Variants in DLGAP1 observed in about 807,000 individuals in gnomAD.
The protein encoded by DLGAP1 is disks large-associated protein 1.
Under a neutral mutation model 90.8 loss-of-function variants are expected in DLGAP1, and 11 were observed. That is an observed-to-expected ratio of 0.12 (90% confidence interval 0.08 to 0.20). The LOEUF (loss-of-function observed/expected upper bound fraction) is 0.20. Among genes scored for constraint, DLGAP1 ranks in the 10% least tolerant of loss-of-function variants. The pLI is 1.00. For missense variants in DLGAP1, 1,050 were observed against 1,333.8 expected, an observed-to-expected ratio of 0.79 and a Z score of 3.31; for synonymous variants, 558 against 540.7, an observed-to-expected ratio of 1.03 and a Z score of -0.44.
At chr18:4,048,271 T>C (rs1673970814) in intron 2 of DLGAP1, among the ~76,000 whole-genome samples, 1 of 152,224 alleles carries the variant, frequency 6.6e-6, no homozygotes, top group Admixed American at 6.5e-5. Context: ...TTTGAAGAAA[T>C]GTAATTGCTC....
chr18:3,754,512 T>C (rs1253262797), intron 5 of DLGAP1, among the ~76,000 whole-genome samples: 1 of 151,432 alleles, frequency 6.6e-6, no homozygotes, highest in Non-Finnish European at 1.5e-5. Flanking sequence ...AAGAATTAGG[T>C]ATATCACGAA....
At chr18:3,506,501 G>C (rs1472984069) in intron 11 of DLGAP1, among the ~76,000 whole-genome samples, 8 of 111,002 alleles carry the variant, frequency 7.2e-5, no homozygotes, top group Admixed American at 3.7e-4. Context: ...CAACAAGAGT[G>C]AGACTCCGTC....
intron 4 of DLGAP1, among the ~76,000 whole-genome samples, chr18:3,851,749 G>T (rs1003635475): frequency 6.6e-6 from 1 of 152,124 alleles, no homozygotes; most frequent in African/African-American, 2.4e-5. Flanking sequence ...TGAAATATAT[G>T]TTGTCACAAA....
At chr18:3,706,027 A>G (rs967168954) in intron 7 of DLGAP1, among the ~76,000 whole-genome samples, 28 of 132,422 alleles carry the variant, frequency 2.1e-4, no homozygotes, top group Middle Eastern at 0.011. Context: ...TCTGTCGCCC[A>G]GGCTGGATCG....
At chr18:3,778,140 C>A (rs2065018249) in intron 5 of DLGAP1, among the ~76,000 whole-genome samples, 1 of 152,042 alleles carries the variant, frequency 6.6e-6, no homozygotes, top group Non-Finnish European at 1.5e-5. Context: ...TTTTTGGGTA[C>A]AGGTAAAAAG....
chr18:3,959,467 G>C (rs2073150474), intron 3 of DLGAP1, among the ~76,000 whole-genome samples: 3 of 152,012 alleles, frequency 2.0e-5, no homozygotes, highest in African/African-American at 7.3e-5. Flanking sequence ...AGGAGTCCGA[G>C]ACCAGCCTGA....
intron 10 of DLGAP1, among the ~76,000 whole-genome samples, chr18:3,533,433 A>C (rs1338030394): frequency 1.3e-5 from 2 of 152,190 alleles, no homozygotes; most frequent in Non-Finnish European, 2.9e-5. Context: ...AGGCTTAAGA[A>C]TACAAATAGG....
At chr18:4,082,510 CAAAAAAAAA>C (rs59735494) in intron 2 of DLGAP1, among the ~76,000 whole-genome samples, 3 of 52,096 alleles carry the variant, frequency 5.8e-5, no homozygotes, top group African/African-American at 9.0e-5. Context: ...GACTTTGTCT[CAAAAAAAAA>C]AAAAAAAAAA....
chr18:4,195,301 T>C (rs553819741), intron 1 of DLGAP1, among the ~76,000 whole-genome samples: 10 of 152,234 alleles, frequency 6.6e-5, no homozygotes, highest in African/African-American at 2.2e-4. Flanking sequence ...CGTGAGCAAC[T>C]ATGCTTGGAT....
At position 4,078,166 on chromosome 18, in the gene DLGAP1, C is replaced by A. The variant is rs182889002; in HGVS notation, c.-158-72965G>T. Among the ~76,000 whole-genome samples the A allele has an allele frequency of 3.4e-3, 525 of 152,222 alleles. 7 individuals carry two copies. The highest frequency in any genetic ancestry group is 0.028 in the Admixed American group (426 of 15,274). On this transcript the variant is annotated intron_variant, in intron 2 of 12. Transcript: ENST00000315677. ...AGTTTTAGCAGAGTTACAATGGGAT[C>A]GAATCTTTACTATCTTCATACATAT...
At chr18:3,926,735 C>G (rs1200806937) in intron 3 of DLGAP1, among the ~76,000 whole-genome samples, 2 of 151,982 alleles carry the variant, frequency 1.3e-5, no homozygotes, top group Non-Finnish European at 2.9e-5. Flanking sequence ...CTAGATCTGT[C>G]TCTTGAGACT....
chr18:3,819,241 C>A lies in DLGAP1; in HGVS notation c.958-4968G>T, dbSNP rs149053618. ...AGGAGAATCGCTTGAACCTGGGAGG[C>A]GGAGGTTGCAGTGAGCTGAGATCGT... On this transcript the variant is annotated intron_variant, in intron 4 of 12. Coordinates refer to ENST00000315677, the MANE Select transcript of DLGAP1 (RefSeq NM_004746.4). Among the ~76,000 whole-genome samples the A allele has an allele frequency of 2.2e-3, 331 of 152,048 alleles. 1 individual carries two copies. Among genetic ancestry groups the A allele is most frequent in the Non-Finnish European group, 3.6e-3 (245 of 67,978 alleles).
intron 2 of DLGAP1, among the ~76,000 whole-genome samples, chr18:4,071,425 C>T (rs4556885): frequency 0.24 from 36,720 of 151,936 alleles, 5,486 homozygotes; most frequent in East Asian, 0.64. Flanking sequence ...AAGTTCTGCT[C>T]GGTGATCGAT....
rs372186010 is a variant in DLGAP1, at chr18:4,165,793, C to T, written c.-266-14506G>A. Among the ~76,000 whole-genome samples the T allele has an allele frequency of 2.2e-4, 33 of 152,244 alleles. 2 individuals carry two copies. Among genetic ancestry groups the T allele is most frequent in the Admixed American group, 4.6e-4 (7 of 15,288 alleles). On this transcript the variant is annotated intron_variant, in intron 1 of 12. Transcript: ENST00000315677. ...CACTACAAAAACCATACAAGGAGAT[C>T]CACTCAAAACCATTATAGAGAAAAT...
At chr18:3,990,910 C>T (rs1310534959) in intron 3 of DLGAP1, among the ~76,000 whole-genome samples, 2 of 151,038 alleles carry the variant, frequency 1.3e-5, no homozygotes, top group Non-Finnish European at 3.0e-5. Context: ...AAACCACTCA[C>T]TTTTTTTTGG....
intron 3 of DLGAP1, among the ~76,000 whole-genome samples, chr18:3,987,539 C>T (rs989205631): frequency 5.3e-4 from 80 of 152,242 alleles, no homozygotes; most frequent in African/African-American, 1.7e-3. Context: ...TTTGCGTATT[C>T]GAACTCACTT....
chr18:4,208,030 C>T (rs535291793), intron 1 of DLGAP1, among the ~76,000 whole-genome samples: 1 of 152,284 alleles, frequency 6.6e-6, no homozygotes, highest in Non-Finnish European at 1.5e-5. Flanking sequence ...CCCTAAGAAT[C>T]CTCATCTGTA....
At chr18:3,707,541 A>G (rs774892653) in intron 7 of DLGAP1, among the ~76,000 whole-genome samples, 7 of 151,768 alleles carry the variant, frequency 4.6e-5, no homozygotes, top group Non-Finnish European at 1.0e-4. Context: ...CAGAGGTTGC[A>G]GTGAGCCGAG....
chr18:3,570,785 A>G (rs1302085692), intron 8 of DLGAP1, among the ~76,000 whole-genome samples: 1 of 151,888 alleles, frequency 6.6e-6, no homozygotes, highest in Non-Finnish European at 1.5e-5. Context: ...GAAAAAAAAT[A>G]GCTGGGCATA....
Sources: gnomAD v4.1 joint callset for allele counts (sites outside exome capture counted in the v4.1 genomes callset) on GRCh38, gnomAD v4.1.1 for gene constraint, MANE v1.5 for transcripts, NCBI Gene and HGNC (gene_info 2026-07-23, HGNC 2026-07-21) for gene names.